The following CELSR1 variants were observed in gnomAD, a reference collection of about 807,000 sequenced individuals.
CELSR1 encodes the protein adhesion G protein-coupled receptor C1.
CELSR1 carries 110 observed loss-of-function variants against 249.1 expected under a neutral mutation model. The ratio of observed to expected loss-of-function variants is 0.44; its 90% CI spans 0.38 to 0.52. The LOEUF (loss-of-function observed/expected upper bound fraction) is 0.52, where lower values mean the gene tolerates loss of function less well. Ranked by LOEUF, CELSR1 falls within the 20% of genes least tolerant of loss-of-function variation. CELSR1 has a pLI of 0.00. For missense variants in CELSR1, 4,109 were observed against 4,296.4 expected (o/e 0.96, Z 1.22); for synonymous variants, 2,113 against 1,900.0 (o/e 1.11, Z -2.92).
intron 1 of CELSR1, among the ~76,000 whole-genome samples, chr22:46,533,152 T>C (rs1311797337): frequency 1.3e-5 from 2 of 152,122 alleles, no homozygotes; most frequent in Admixed American, 1.3e-4. Context: ...CCGGCTGCAT[T>C]ATAGGGTGAC....
chr22:46,519,567 G>A (rs1319507286), intron 1 of CELSR1, among the ~76,000 whole-genome samples: 1 of 152,212 alleles, frequency 6.6e-6, no homozygotes, highest in Non-Finnish European at 1.5e-5. Flanking sequence ...CAGAGCCTGG[G>A]CATCAGGTCT....
At chr22:46,376,813 A>G (rs1447011869) in intron 24 of CELSR1, among the ~76,000 whole-genome samples, 1 of 151,800 alleles carries the variant, frequency 6.6e-6, no homozygotes, top group Non-Finnish European at 1.5e-5. Context: ...CAAAAAAAAA[A>G]AAAAAGAAAG....
chr22:46,381,770 T>G lies in CELSR1; in HGVS notation c.7088+76A>C. The stretch of plus-strand genomic sequence containing the variant: ...TGTGAAGACCTGTGCTTGATCAGGA[T>G]CAGGATTTTGACCTGTGGAAGCCTC... On this transcript the variant is annotated intron_variant, in intron 21 of 34. Transcript: ENST00000674500. The surrounding 1 kb of genome is among the most constrained non-coding windows in gnomAD (Gnocchi z 6.0). 1 of 1,320,752 alleles carries G rather than the reference T, an allele frequency of 7.6e-7. No individual in the cohort carries two copies. Among genetic ancestry groups the G allele is most frequent in the Non-Finnish European group, 1.0e-6 (1 of 965,796 alleles). The allele number at this position is 1,320,752 out of a possible 1,614,324, so 81.8% of individuals were successfully genotyped here.
intron 1 of CELSR1, among the ~76,000 whole-genome samples, chr22:46,510,498 T>C (rs2080562245): frequency 6.6e-6 from 1 of 152,188 alleles, no homozygotes; most frequent in African/African-American, 2.4e-5. Context: ...GGTGCCCCCT[T>C]GGCTCAGGGA....
At position 46,397,769 on chromosome 22, in the gene CELSR1, C is replaced by T. The variant is rs964973764; in HGVS notation, c.5606G>A (p.Gly1869Asp). 6.9e-6 allele frequency: 11 copies of T among 1,602,946 alleles called. No individual in the cohort carries two copies. In the African/African-American group the frequency reaches 8.0e-5, roughly 12 times the overall value. The change falls in exon 12 of 35, where the codon GGC becomes GAC. Residue 1869 changes from glycine (G) to aspartate (D), a missense_variant. Around this residue, in one of 7 missense-constraint regions of CELSR1, gnomAD observed 1,805 missense variants for 1,831.6 expected, o/e 0.99. Transcript: ENST00000674500. ...NNALKVRVKD[G>D]CDVDDPCTSS... is the part of the protein sequence containing the mutation. ...GGTACAGGGGTCGTCCACATCACAG[C>T]CGTCCTTCACCCTGACCTTGAGTGC...
At position 46,473,742 on chromosome 22, in the gene CELSR1, T is replaced by G. The variant is rs1435888016; in HGVS notation, c.3545-9397A>C. On this transcript the variant is annotated intron_variant, in intron 1 of 34. Coordinates refer to ENST00000674500, the MANE Select transcript of CELSR1 (RefSeq NM_001378328.1). The surrounding 1 kb of genome is among the most constrained non-coding windows in gnomAD (Gnocchi z 6.6). ...CACAGCAGGCAGGGAGGGCCCTGCTTGGTGGCTCCTGGTGGCTCCCATTCA... is the reference window on the plus strand; with the variant it reads ...CACAGCAGGCAGGGAGGGCCCTGCTGGGTGGCTCCTGGTGGCTCCCATTCA... 1.4e-4 allele frequency among the ~76,000 whole-genome samples: 22 copies of G among 152,114 alleles called. No individual in the cohort carries two copies. Among genetic ancestry groups the G allele is most frequent in the Non-Finnish European group, 4.4e-5 (3 of 68,004 alleles).
intron 28 of CELSR1, among the ~76,000 whole-genome samples, chr22:46,367,470 C>T (rs1323018642): frequency 6.6e-6 from 1 of 152,232 alleles, no homozygotes. Context: ...CTAGAAATGG[C>T]CACTTCTGTT....
chr22:46,504,581 T>C lies in CELSR1; in HGVS notation c.3544+29046A>G, dbSNP rs1174860299. Among the ~76,000 whole-genome samples the C allele has an allele frequency of 4.0e-5, 6 of 148,806 alleles. No individual in the cohort carries two copies. In the South Asian group the frequency reaches 1.3e-3, roughly 31 times the overall value. On this transcript the variant is annotated intron_variant, in intron 1 of 34. Coordinates refer to ENST00000674500, the MANE Select transcript of CELSR1 (RefSeq NM_001378328.1). The stretch of plus-strand genomic sequence containing the variant: ...AAACTGCATCTTCCCCAAAGAGACA[T>C]GCAAATCAAAAAAGGAAGACATTTA...
intron 1 of CELSR1, among the ~76,000 whole-genome samples, chr22:46,487,438 G>C (rs978382405): frequency 1.4e-5 from 2 of 146,782 alleles, no homozygotes; most frequent in African/African-American, 5.1e-5. Context: ...CTGAGATCTA[G>C]GGATGCCAAG....
At chr22:46,458,518 G>A (rs1285921635) in intron 2 of CELSR1, among the ~76,000 whole-genome samples, 2 of 152,234 alleles carry the variant, frequency 1.3e-5, no homozygotes, top group African/African-American at 2.4e-5. Flanking sequence ...GAGGCTGAAC[G>A]TGGGGCCAAG....
At chr22:46,528,356 C>T (rs748343091) in intron 1 of CELSR1, among the ~76,000 whole-genome samples, 1 of 152,174 alleles carries the variant, frequency 6.6e-6, no homozygotes, top group African/African-American at 2.4e-5. Flanking sequence ...CCTGTTATTT[C>T]ACCGAGTTTC....
chr22:46,374,614 G>A lies in CELSR1; in HGVS notation c.7585-1557C>T, dbSNP rs1395156573. Among the ~76,000 whole-genome samples the A allele has an allele frequency of 1.3e-5, 2 of 152,192 alleles. No individual in the cohort carries two copies. The highest frequency in any genetic ancestry group is 2.9e-5 in the Non-Finnish European group (2 of 68,034). On this transcript the variant is annotated intron_variant, in intron 24 of 34. Coordinates refer to ENST00000674500, the MANE Select transcript of CELSR1 (RefSeq NM_001378328.1). The surrounding 1 kb of genome is among the most constrained non-coding windows in gnomAD (Gnocchi z 4.3). ...GACAGCGCTCACTCCGGCAGGCGACGAGTCAGTGTGGGAACCCAGGGGCCG... is the reference window on the plus strand; with the variant it reads ...GACAGCGCTCACTCCGGCAGGCGACAAGTCAGTGTGGGAACCCAGGGGCCG...
intron 9 of CELSR1, among the ~76,000 whole-genome samples, chr22:46,400,870 C>T (rs369129550): frequency 6.6e-5 from 10 of 151,532 alleles, no homozygotes; most frequent in Admixed American, 5.9e-4. Flanking sequence ...AAGGATCACT[C>T]AAGCCCAGGA....
rs1458168377 is a variant in CELSR1 at position 46,384,561 on chromosome 22, T to C, written c.6865A>G (p.Arg2289Gly). 3.7e-6 allele frequency: 6 copies of C among 1,611,372 alleles called. No homozygotes were observed. Among genetic ancestry groups the C allele is most frequent in the East Asian group, 2.2e-5 (1 of 44,878 alleles). ...SSVSFPADFFRPPEEKEGPLL... is the reference protein window; with the variant it reads ...SSVSFPADFFGPPEEKEGPLL... ...GTTTTACCTTTTTCTTCAGGTGGTCTGAAGAAGTCGGCTGGGAAGGAGACG... is the reference window on the plus strand; with the variant it reads ...GTTTTACCTTTTTCTTCAGGTGGTCCGAAGAAGTCGGCTGGGAAGGAGACG... Residue 2289 changes from arginine (R) to glycine (G), a missense_variant, in exon 20 of 35, where the codon AGA becomes GGA. By Grantham distance (125) the Arg-to-Gly change is moderately radical (BLOSUM62 -2). Coordinates refer to ENST00000674500, the MANE Select transcript of CELSR1 (RefSeq NM_001378328.1).
chr22:46,432,068 A>G (rs1181436442), intron 5 of CELSR1, among the ~76,000 whole-genome samples: 1 of 152,198 alleles, frequency 6.6e-6, no homozygotes, highest in East Asian at 1.9e-4. Context: ...ATGAGGCTCA[A>G]GCTCCACCTG....
intron 1 of CELSR1, among the ~76,000 whole-genome samples, chr22:46,533,096 G>A (rs1403263874): frequency 6.6e-6 from 1 of 152,176 alleles, no homozygotes; most frequent in African/African-American, 2.4e-5. Context: ...ACCTAAGCCC[G>A]ACTGTTATTA....
rs767284888 is a variant in CELSR1 at position 46,445,764 on chromosome 22, C to A, written c.4184-6353G>T. On this transcript the variant is annotated intron_variant, in intron 2 of 34. Transcript: ENST00000674500. This position sits in a 1 kb window ranked among gnomAD's most constrained non-coding sequence, Gnocchi z 4.4. ...GAGCAGCAGCGCCTGGCTGGCAGAG[C>A]CTTTCCCGTCGATGCTTCGGAGGTG... is the stretch of plus-strand genomic sequence containing the variant. Among the ~76,000 whole-genome samples, 2 of 152,184 alleles carry A rather than the reference C, an allele frequency of 1.3e-5. No individual in the cohort carries two copies. The highest frequency in any genetic ancestry group is 2.4e-5 in the African/African-American group (1 of 41,454).
At chr22:46,476,834 T>C (rs1340906004) in intron 1 of CELSR1, among the ~76,000 whole-genome samples, 1 of 139,780 alleles carries the variant, frequency 7.2e-6, no homozygotes, top group Non-Finnish European at 1.6e-5. Context: ...GATGAGAATG[T>C]TCTAGAACTG....
At chr22:46,481,641 C>A in intron 1 of CELSR1, 1 of 670,800 alleles carries the variant, frequency 1.5e-6, no homozygotes, top group Non-Finnish European at 2.7e-6. Flanking sequence ...TGGTGCTGCA[C>A]CAGAACATGA....
Sources: allele counts gnomAD v4.1 joint callset (sites outside exome capture counted in the v4.1 genomes callset), GRCh38; gene constraint gnomAD v4.1.1; regional missense constraint gnomAD v4.1.1; non-coding constraint Gnocchi (gnomAD v3.1); transcripts MANE v1.5; gene names NCBI Gene and HGNC (gene_info 2026-07-23, HGNC 2026-07-21).